The following TTC27 variants were observed in gnomAD, a reference collection of about 807,000 sequenced individuals.
TTC27 encodes tetratricopeptide repeat protein 27.
A neutral mutation model predicts 115.9 loss-of-function variants in TTC27; 79 were observed. That is an observed-to-expected ratio of 0.68 (90% CI 0.57 to 0.82). The LOEUF (loss-of-function observed/expected upper bound fraction) is 0.82. Ranked by LOEUF, TTC27 falls within the 40% of genes least tolerant of loss-of-function variation. TTC27 has a pLI of 0.00. For missense variants in TTC27, 1,054 were observed against 993.1 expected (o/e 1.06, Z -0.82); for synonymous variants, 401 against 356.0 (o/e 1.13, Z -1.42).
chr2:32,724,976 CAAAG>C (rs765438405), intron 10 of TTC27, among the ~76,000 whole-genome samples: 1 of 152,164 alleles, frequency 6.6e-6, no homozygotes, highest in South Asian at 2.1e-4. Flanking sequence ...TGGCAGCAGA[CAAAG>C]AGAGAGCTTG....
chr2:32,715,365 C>T (rs181509793), intron 10 of TTC27, among the ~76,000 whole-genome samples: 2 of 152,216 alleles, frequency 1.3e-5, no homozygotes, highest in African/African-American at 2.4e-5. Context: ...TCAACTTTCT[C>T]AAAGATCACA....
intron 3 of TTC27, 58 bp downstream of exon 3, chr2:32,634,063 C>T: frequency 6.5e-7 from 1 of 1,545,314 alleles, no homozygotes; most frequent in Non-Finnish European, 8.7e-7. Flanking sequence ...TTTTTATAAG[C>T]AGGTCTTTAT....
intron 13 of TTC27, among the ~76,000 whole-genome samples, chr2:32,771,449 A>C (rs926415086): frequency 1.3e-5 from 2 of 152,238 alleles, no homozygotes; most frequent in African/African-American, 4.8e-5. Flanking sequence ...TTATTTGAAA[A>C]GACTCAGCAA....
chr2:32,708,816 A>G (rs900154642), intron 10 of TTC27, among the ~76,000 whole-genome samples: 2 of 152,134 alleles, frequency 1.3e-5, no homozygotes, highest in African/African-American at 4.8e-5. Flanking sequence ...AACCAGAAAT[A>G]GAAACTAAGA....
At chr2:32,749,166 C>T (rs1668928032) in intron 12 of TTC27, among the ~76,000 whole-genome samples, 1 of 152,182 alleles carries the variant, frequency 6.6e-6, no homozygotes, top group Non-Finnish European at 1.5e-5. Flanking sequence ...TATTTACCAC[C>T]TCAGGCAGCT....
intron 13 of TTC27, among the ~76,000 whole-genome samples, chr2:32,774,498 T>A (rs1669932586): frequency 6.6e-6 from 1 of 152,172 alleles, no homozygotes; most frequent in African/African-American, 2.4e-5. Context: ...GAAAATATAA[T>A]GAGGCTACTA....
chr2:32,816,719 C>CA (rs1213614955), intron 18 of TTC27, among the ~76,000 whole-genome samples: 1 of 152,192 alleles, frequency 6.6e-6, no homozygotes, highest in Non-Finnish European at 1.5e-5. Context: ...TACATGAAGA[C>CA]ACATGGGTTG....
chr2:32,779,168 A>C (rs1015633243), intron 14 of TTC27, among the ~76,000 whole-genome samples: 2 of 152,138 alleles, frequency 1.3e-5, no homozygotes, highest in African/African-American at 4.8e-5. Context: ...GGTCGCAGTG[A>C]GCAGAGATTG....
intron 13 of TTC27, among the ~76,000 whole-genome samples, chr2:32,760,621 G>GA (rs1669403185): frequency 6.6e-6 from 1 of 152,020 alleles, no homozygotes; most frequent in Non-Finnish European, 1.5e-5. Context: ...TTGATAGAAG[G>GA]GAGAACTCAC....
At chr2:32,680,275 A>T (rs553916037) in intron 9 of TTC27, among the ~76,000 whole-genome samples, 14 of 152,352 alleles carry the variant, frequency 9.2e-5, no homozygotes, top group Admixed American at 2.0e-4. Flanking sequence ...TAAAGGGCAT[A>T]TAAAAAACAT....
intron 5 of TTC27, among the ~76,000 whole-genome samples, chr2:32,659,418 C>T (rs2151875684): frequency 6.8e-6 from 1 of 147,322 alleles, no homozygotes; most frequent in Non-Finnish European, 1.5e-5. Context: ...TTTATCTTAC[C>T]AATTTAATAT....
intron 12 of TTC27, among the ~76,000 whole-genome samples, chr2:32,743,054 C>T (rs3769583): frequency 0.17 from 25,547 of 152,012 alleles, 2,624 homozygotes; most frequent in South Asian, 0.36. Flanking sequence ...CTCAAAGATA[C>T]TCTTCATAGT....
chr2:32,790,100 T>C (rs902086207), intron 16 of TTC27, among the ~76,000 whole-genome samples: 1 of 151,954 alleles, frequency 6.6e-6, no homozygotes, highest in Non-Finnish European at 1.5e-5. Flanking sequence ...TTAACTTTTA[T>C]CTTAAGTAGA....
At chr2:32,649,940 G>A (rs1344248086) in intron 4 of TTC27, among the ~76,000 whole-genome samples, 191 bp from the exon 5 acceptor site, 1 of 152,056 alleles carries the variant, frequency 6.6e-6, no homozygotes, top group Admixed American at 6.6e-5. Flanking sequence ...GGATGGAGGT[G>A]AGGTGTTATT....
chr2:32,664,217 A>G (rs1254573044), intron 5 of TTC27, 86 bp from the exon 6 acceptor site: 1 of 1,179,226 alleles, frequency 8.5e-7, no homozygotes, highest in Non-Finnish European at 1.2e-6. Flanking sequence ...TGTACTATAT[A>G]CTTTATGTAT....
intron 12 of TTC27, among the ~76,000 whole-genome samples, chr2:32,740,547 A>G (rs1014900630): frequency 6.6e-6 from 1 of 152,090 alleles, no homozygotes; most frequent in African/African-American, 2.4e-5. Flanking sequence ...GTCTTCCTAA[A>G]GACAAATCTG....
chr2:32,663,788 G>A (rs1253751973), intron 5 of TTC27, among the ~76,000 whole-genome samples: 1 of 152,028 alleles, frequency 6.6e-6, no homozygotes, highest in Non-Finnish European at 1.5e-5. Flanking sequence ...GGGTTGAAGC[G>A]ATTCTCCTGC....
intron 9 of TTC27, among the ~76,000 whole-genome samples, chr2:32,699,543 A>AAT (rs1559211762): frequency 6.6e-6 from 1 of 152,204 alleles, no homozygotes; most frequent in Non-Finnish European, 1.5e-5. Context: ...GCCATTTTCT[A>AAT]ATAAGTCAAT....
At chr2:32,660,680 A>T (rs1049935048) in intron 5 of TTC27, among the ~76,000 whole-genome samples, 4 of 152,140 alleles carry the variant, frequency 2.6e-5, no homozygotes, top group African/African-American at 9.7e-5. Flanking sequence ...CCTTTGTTAG[A>T]TGGGTAGATT....
Sources: gnomAD v4.1 joint callset for allele counts (sites outside exome capture counted in the v4.1 genomes callset) on GRCh38, gnomAD v4.1.1 for gene constraint, MANE v1.5 for transcripts, NCBI Gene and HGNC (gene_info 2026-07-23, HGNC 2026-07-21) for gene names.